The following SHISA5 variants were observed in gnomAD, a reference collection of about 807,000 sequenced individuals.
SHISA5 encodes protein shisa-5.
Under a neutral mutation model 27.5 loss-of-function variants are expected in SHISA5, and 21 were observed. The observed-to-expected ratio is 0.76, with a 90% CI of 0.54 to 1.10. SHISA5 has a LOEUF of 1.10. SHISA5 is among the 50% of genes least tolerant of loss of function. SHISA5 has a pLI of 0.00. For missense variants in SHISA5, 314 were observed against 336.3 expected, an observed-to-expected ratio of 0.93 and a Z score of 0.52; for synonymous variants, 137 against 142.2, an observed-to-expected ratio of 0.96 and a Z score of 0.26.
At chr3:48,474,615 GC>G (rs2040759203) in intron 3 of SHISA5, among the ~76,000 whole-genome samples, 1 of 152,098 alleles carries the variant, frequency 6.6e-6, no homozygotes, top group African/African-American at 2.4e-5. Flanking sequence ...GGGATTACAG[GC>G]CTGAGCCACC....
At position 48,490,011 on chromosome 3, in the gene SHISA5, C is replaced by T. The variant is rs552377395; in HGVS notation, c.234-10754G>A. Reference sequence around the variant, plus strand: ...TCAATCATCAAGGCTGCCACTCCCACCACAGGCCCAGAGTGCACAGGCCGG... The same window carrying T: ...TCAATCATCAAGGCTGCCACTCCCATCACAGGCCCAGAGTGCACAGGCCGG... On this transcript the variant is annotated intron_variant, in intron 2 of 5. Coordinates refer to ENST00000296444, the MANE Select transcript of SHISA5 (RefSeq NM_016479.6). Among the ~76,000 whole-genome samples, 12 of 152,290 alleles carry T rather than the reference C, an allele frequency of 7.9e-5. No individual in the cohort carries two copies. In the South Asian group the frequency reaches 2.3e-3, roughly 29 times the overall value.
chr3:48,471,748 G>GTGA (rs768778401), intron 3 of SHISA5, among the ~76,000 whole-genome samples: 1 of 151,292 alleles, frequency 6.6e-6, no homozygotes, highest in Non-Finnish European at 1.5e-5. Context: ...CATGATGGTG[G>GTGA]GTGCTTGCAA....
chr3:48,482,591 A>G (rs1002482815), intron 2 of SHISA5, among the ~76,000 whole-genome samples: 14 of 152,202 alleles, frequency 9.2e-5, no homozygotes, highest in Admixed American at 7.2e-4. Flanking sequence ...TGGAAGGGAA[A>G]TAGTTATATT....
In SHISA5 at chr3:48,468,082, A is replaced by C; in HGVS notation, c.*1025T>G. 7.6e-5 allele frequency: 71 copies of C among 936,742 alleles called. No homozygotes were observed. The highest frequency in any genetic ancestry group is 5.4e-4 in the Middle Eastern group (1 of 1,868). The allele number at this position is 936,742 out of a possible 1,614,324, so 58.0% of individuals were successfully genotyped here. On this transcript the variant is annotated 3_prime_UTR_variant, in exon 6 of 6. Coordinates refer to ENST00000296444, the MANE Select transcript of SHISA5 (RefSeq NM_016479.6). Reference sequence around the variant, plus strand: ...TGGCCCAGGTGTCCCTGCTGCCAGAACACCGTGGACTGGGGTACAGGAGTT... The same window carrying C: ...TGGCCCAGGTGTCCCTGCTGCCAGACCACCGTGGACTGGGGTACAGGAGTT...
At chr3:48,474,753 G>T (rs1179512062) in intron 3 of SHISA5, among the ~76,000 whole-genome samples, 1 of 152,090 alleles carries the variant, frequency 6.6e-6, no homozygotes, top group African/African-American at 2.4e-5. Context: ...CCTCCTTTCA[G>T]CTTTGAAAGC....
rs2040726549 is a variant in SHISA5 at position 48,473,767 on chromosome 3, A to G, written c.315-3924T>C. ...GTGTATGTATTATAGTTGACAATAA[A>G]AGAAGAAAAGAGGCCATGTGCAGTG... On this transcript the variant is annotated intron_variant, in intron 3 of 5. Coordinates refer to ENST00000296444, the MANE Select transcript of SHISA5 (RefSeq NM_016479.6). This position sits in a 1 kb window ranked among gnomAD's most constrained non-coding sequence, Gnocchi z 4.3. Among the ~76,000 whole-genome samples, 3 of 152,194 alleles carry G rather than the reference A, an allele frequency of 2.0e-5. No individual in the cohort carries two copies. The South Asian group carries it at 6.2e-4, about 32-fold the overall frequency.
intron 2 of SHISA5, among the ~76,000 whole-genome samples, chr3:48,485,384 A>G (rs1698075692): frequency 2.0e-5 from 3 of 151,462 alleles, no homozygotes; most frequent in Non-Finnish European, 4.4e-5. Flanking sequence ...AATCCCAGCT[A>G]CTAGGGAGGC....
intron 2 of SHISA5, among the ~76,000 whole-genome samples, chr3:48,488,078 C>CTGACATTAGAAT (rs916930372): frequency 6.6e-6 from 1 of 151,978 alleles, no homozygotes; most frequent in African/African-American, 2.4e-5. Flanking sequence ...TTATCAGACA[C>CTGACATTAGAAT]TGACATTAGA....
intron 2 of SHISA5, among the ~76,000 whole-genome samples, chr3:48,498,767 G>A (rs1460238885): frequency 5.4e-5 from 8 of 149,296 alleles, no homozygotes; most frequent in Admixed American, 2.0e-4. Flanking sequence ...AAAACAAATC[G>A]AAACAATACA....
At position 48,469,948 on chromosome 3, in the gene SHISA5, C is replaced by A; in HGVS notation, c.315-105G>T. On this transcript the variant is annotated intron_variant, in intron 3 of 5. Transcript: ENST00000296444. This position sits in a 1 kb window ranked among gnomAD's most constrained non-coding sequence, Gnocchi z 4.6. ...CTTGCCAGAAGGGGTCTGGGCAATA[C>A]AGTTATAGCTACTTCCTTGTCGGGT... The A allele has an allele frequency of 7.0e-7, 1 of 1,422,886 alleles. No individual in the cohort carries two copies. Among genetic ancestry groups the A allele is most frequent in the South Asian group, 1.3e-5 (1 of 74,572 alleles). The allele number at this position is 1,422,886 out of a possible 1,614,324, so 88.1% of individuals were successfully genotyped here. A position where few individuals can be genotyped will look rare whatever the true frequency, so the allele number is the denominator to read the frequency against.
intron 3 of SHISA5, among the ~76,000 whole-genome samples, chr3:48,475,895 G>T (rs2040811154): frequency 6.6e-6 from 1 of 152,206 alleles, no homozygotes; most frequent in Non-Finnish European, 1.5e-5. Flanking sequence ...AGTCTAGGGG[G>T]CAGAAGACCT....
intron 3 of SHISA5, among the ~76,000 whole-genome samples, chr3:48,475,500 G>A (rs1207815526): frequency 1.3e-5 from 2 of 152,126 alleles, no homozygotes; most frequent in African/African-American, 4.8e-5. Context: ...TCTGGACCTG[G>A]GATACCCGCA....
intron 2 of SHISA5, among the ~76,000 whole-genome samples, chr3:48,499,208 C>G (rs891286083): frequency 9.9e-5 from 15 of 151,964 alleles, no homozygotes; most frequent in Non-Finnish European, 2.9e-5. Flanking sequence ...AGGTCTCACT[C>G]TGTTGCCCAG....
At chr3:48,485,798 G>A (rs768277433) in intron 2 of SHISA5, among the ~76,000 whole-genome samples, 51 of 151,420 alleles carry the variant, frequency 3.4e-4, no homozygotes, top group Middle Eastern at 3.4e-3. Context: ...GACAGCTGAG[G>A]TCCTTTTTCT....
chr3:48,500,895 C>T (rs2041733027), intron 2 of SHISA5, among the ~76,000 whole-genome samples: 1 of 152,170 alleles, frequency 6.6e-6, no homozygotes. Context: ...AAGAAACCTG[C>T]TCAGCCCAAG....
chr3:48,469,204 C>T lies in SHISA5; in HGVS notation c.644-18G>A, dbSNP rs2040493075. 26 of 1,609,848 alleles carry T rather than the reference C, an allele frequency of 1.6e-5. No homozygotes were observed. Among genetic ancestry groups the T allele is most frequent in the Non-Finnish European group, 2.2e-5 (26 of 1,178,894 alleles). ...TGCTCCTCCTGAAAGCAGAGAGGAC[C>T]CTGGTTGGCTGTGAGCATGGTGGGC... On this transcript the variant is annotated intron_variant, in intron 5 of 5. Transcript: ENST00000296444. The surrounding 1 kb of genome is among the most constrained non-coding windows in gnomAD (Gnocchi z 4.6).
intron 2 of SHISA5, among the ~76,000 whole-genome samples, chr3:48,499,210 G>T (rs2041677059): frequency 6.6e-6 from 1 of 151,692 alleles, no homozygotes; most frequent in African/African-American, 2.4e-5. Context: ...GTCTCACTCT[G>T]TTGCCCAGGC....
At chr3:48,480,065 G>A (rs1278011491) in intron 2 of SHISA5, among the ~76,000 whole-genome samples, 5 of 150,732 alleles carry the variant, frequency 3.3e-5, no homozygotes, top group East Asian at 2.0e-4. Flanking sequence ...AACTACGCCC[G>A]GCTAATTTTT....
Position 48,468,109 on chromosome 3 carries a change from T to C in SHISA5, c.*998A>G, listed in dbSNP as rs2040423528. 1 of 984,272 alleles carries C rather than the reference T, an allele frequency of 1.0e-6. No homozygotes were observed. The highest frequency in any genetic ancestry group is 1.2e-6 in the Non-Finnish European group (1 of 821,278). 61.0% of individuals were successfully genotyped at this position (984,272 alleles called of 1,614,324 possible). ...ACCGTGGACTGGGGTACAGGAGTTG[T>C]TGCATATTCCATGAGGCTGGTGTCG... On this transcript the variant is annotated 3_prime_UTR_variant, in exon 6 of 6. Transcript: ENST00000296444.
Sources: allele counts gnomAD v4.1 joint callset (sites outside exome capture counted in the v4.1 genomes callset), GRCh38; gene constraint gnomAD v4.1.1; non-coding constraint Gnocchi (gnomAD v3.1); transcripts MANE v1.5; gene names NCBI Gene and HGNC (gene_info 2026-07-23, HGNC 2026-07-21).